Variants in MIS18BP1 observed in about 807,000 individuals in gnomAD.
MIS18BP1 encodes the protein MIS18 binding protein 1, also known as mis18-binding protein 1.
Under a neutral mutation model 116.1 loss-of-function variants are expected in MIS18BP1, and 72 were observed. That is an observed-to-expected ratio of 0.62 (90% CI 0.51 to 0.75). The LOEUF (loss-of-function observed/expected upper bound fraction) is 0.75. Among genes scored for constraint, MIS18BP1 ranks in the 30% least tolerant of loss-of-function variants. MIS18BP1 has a pLI of 0.00. For missense variants in MIS18BP1, 1,363 were observed against 1,303.2 expected (o/e 1.05, Z -0.71); for synonymous variants, 386 against 427.0 (o/e 0.90, Z 1.18).
rs1299483547 is a variant in MIS18BP1 at position 45,223,941 on chromosome 14, C to T, written c.2646G>A (p.Glu882=). 1 of 1,585,586 alleles carries T rather than the reference C, an allele frequency of 6.3e-7. No homozygotes were observed. Among genetic ancestry groups the T allele is most frequent in the Non-Finnish European group, 8.5e-7 (1 of 1,171,136 alleles). The change falls in exon 11 of 17, where the codon GAG becomes GAA. Residue 882 remains glutamate (E), a synonymous_variant. Coordinates refer to ENST00000310806, the MANE Select transcript of MIS18BP1 (RefSeq NM_018353.5). ...ACCAATGAAGTTTCTGTAACTCCTTCTCATTCCATTCCTTATCCTGAATTA... is the reference window on the plus strand; with the variant it reads ...ACCAATGAAGTTTCTGTAACTCCTTTTCATTCCATTCCTTATCCTGAATTA... ...PGLIQDKEWN[E]KELQKLHCAF... is the part of the protein sequence containing the mutation.
intron 1 of MIS18BP1, among the ~76,000 whole-genome samples, chr14:45,250,847 C>T (rs1185167633): frequency 6.6e-6 from 1 of 152,148 alleles, no homozygotes; most frequent in African/African-American, 2.4e-5. Context: ...ACCATCCTGT[C>T]TAACACGGTG....
chr14:45,252,754 C>T (rs1490163404), intron 1 of MIS18BP1, among the ~76,000 whole-genome samples: 1 of 150,170 alleles, frequency 6.7e-6, no homozygotes, highest in African/African-American at 2.5e-5. Flanking sequence ...TACAATTTTC[C>T]CACTTGGTAT....
At chr14:45,249,159 T>G (rs1471517480) in intron 1 of MIS18BP1, among the ~76,000 whole-genome samples, 1 of 152,102 alleles carries the variant, frequency 6.6e-6, no homozygotes, top group Non-Finnish European at 1.5e-5. Context: ...TGATGCGATC[T>G]TGACTCACTG....
chr14:45,216,993 GAAA>G, intron 13 of MIS18BP1, 23 bp downstream of exon 13: 1 of 1,606,454 alleles, frequency 6.2e-7, no homozygotes, highest in Non-Finnish European at 8.5e-7. Flanking sequence ...TACAGATAAG[GAAA>G]ACAATGATTT....
At chr14:45,248,634 T>C (rs1025445180) in intron 1 of MIS18BP1, among the ~76,000 whole-genome samples, 3 of 152,108 alleles carry the variant, frequency 2.0e-5, no homozygotes, top group African/African-American at 7.2e-5. Context: ...AGTATCTTTA[T>C]CTACAGCAAC....
intron 8 of MIS18BP1, 105 bp from the exon 9 acceptor site, chr14:45,227,919 G>A (rs970634699): frequency 8.7e-7 from 1 of 1,152,336 alleles, no homozygotes; most frequent in African/African-American, 1.5e-5. Context: ...GCTCACGCCT[G>A]TAATCCCAGC....
chr14:45,222,619 C>G (rs953262443), intron 11 of MIS18BP1, among the ~76,000 whole-genome samples: 1 of 152,184 alleles, frequency 6.6e-6, no homozygotes, highest in African/African-American at 2.4e-5. Context: ...CACTGAGTAG[C>G]TAGCCTAGAA....
At chr14:45,212,023 C>T (rs993049059) in intron 13 of MIS18BP1, among the ~76,000 whole-genome samples, 1 of 152,188 alleles carries the variant, frequency 6.6e-6, no homozygotes, top group Admixed American at 6.5e-5. Flanking sequence ...TTAGACTTAG[C>T]TGTTGGTGTC....
chr14:45,249,579 G>C (rs1891813602), intron 1 of MIS18BP1, among the ~76,000 whole-genome samples: 1 of 151,834 alleles, frequency 6.6e-6, no homozygotes, highest in Admixed American at 6.6e-5. Flanking sequence ...AATCAAAAAT[G>C]AATAAACTCG....
chr14:45,216,627 A>G (rs918984019), intron 13 of MIS18BP1, among the ~76,000 whole-genome samples: 1 of 152,304 alleles, frequency 6.6e-6, no homozygotes, highest in South Asian at 2.1e-4. Context: ...TACTCTTCAT[A>G]TGACAAAAAT....
chr14:45,248,668 T>C (rs1891788854), intron 1 of MIS18BP1, among the ~76,000 whole-genome samples: 1 of 152,110 alleles, frequency 6.6e-6, no homozygotes, highest in South Asian at 2.1e-4. Context: ...AAGCAATTAA[T>C]ATACAAAGTA....
intron 13 of MIS18BP1, among the ~76,000 whole-genome samples, chr14:45,216,355 T>G (rs1890818186): frequency 1.3e-5 from 2 of 152,226 alleles, no homozygotes; most frequent in Admixed American, 1.3e-4. Context: ...ATATTTTAAC[T>G]TATTTTTTTA....
At chr14:45,234,420 T>C (rs1891369802) in intron 6 of MIS18BP1, among the ~76,000 whole-genome samples, 1 of 151,202 alleles carries the variant, frequency 6.6e-6, no homozygotes, top group Admixed American at 6.6e-5. Context: ...TGAGAGCTAG[T>C]GTACAAATGG....
Position 45,226,726 on chromosome 14 carries a change from C to A in MIS18BP1, c.1840+17G>T. On this transcript the variant is annotated intron_variant, in intron 10 of 16. Transcript: ENST00000310806. ...AGCTTTCTGCTTATGATTAAAAAAC[C>A]ATTAAAGATATATTACCTTGCTTCT... The A allele has an allele frequency of 7.5e-7, 1 of 1,341,950 alleles. No homozygotes were observed. The highest frequency in any genetic ancestry group is 1.6e-5 in the South Asian group (1 of 62,814). The allele number at this position is 1,341,950 out of a possible 1,614,324, so 83.1% of individuals were successfully genotyped here. A position where few individuals can be genotyped will look rare whatever the true frequency, so the allele number is the denominator to read the frequency against.
rs1452775278 is a variant in MIS18BP1 at position 45,231,142 on chromosome 14, C to T, written c.1593G>A (p.Leu531=). 1 of 1,610,236 alleles carries T rather than the reference C, an allele frequency of 6.2e-7. No homozygotes were observed. Among genetic ancestry groups the T allele is most frequent in the South Asian group, 1.1e-5 (1 of 90,074 alleles). ...CAGAGAAGTAAAGACAAAACATACC[C>T]AAATTATCACAATCAAAATCGTAAG... ...TTTYDFDCDN[L]ELKSNKHSES... is the part of the protein sequence containing the mutation. Residue 531 remains leucine, a splice_region_variant and synonymous_variant, in exon 8 of 17, where the codon TTG becomes TTA. Coordinates refer to ENST00000310806, the MANE Select transcript of MIS18BP1 (RefSeq NM_018353.5).
chr14:45,231,947 G>T (rs986209721), intron 7 of MIS18BP1, among the ~76,000 whole-genome samples: 9 of 152,050 alleles, frequency 5.9e-5, no homozygotes, highest in Non-Finnish European at 8.8e-5. Context: ...AAAAAAGGAG[G>T]AAGAACTGCA....
In MIS18BP1 at chr14:45,247,199, A is replaced by G. The variant is rs1375425574; in HGVS notation, c.88T>C (p.Phe30Leu). 2 of 1,612,962 alleles carry G rather than the reference A, an allele frequency of 1.2e-6. No homozygotes were observed. Among genetic ancestry groups the G allele is most frequent in the South Asian group, 2.2e-5 (2 of 91,008 alleles). The stretch of plus-strand genomic sequence containing the variant: ...GTGCCTGAAGGAATGCTGTCAAAAA[A>G]GATTGCATCCATGGGTAGATTTCTC... ...QRRNLPMDAIFFDSIPSGTLT... is the reference protein window; with the variant it reads ...QRRNLPMDAILFDSIPSGTLT... Residue 30 changes from phenylalanine (F) to leucine (L), a missense_variant, in exon 2 of 17, where the codon TTT becomes CTT. Physicochemically the swap from Phe to Leu is conservative, Grantham distance 22. Transcript: ENST00000310806.
At chr14:45,251,185 A>G (rs539745878) in intron 1 of MIS18BP1, among the ~76,000 whole-genome samples, 1 of 151,864 alleles carries the variant, frequency 6.6e-6, no homozygotes, top group South Asian at 2.1e-4. Context: ...TACCTTTTCT[A>G]TATTTTGGTA....
At chr14:45,248,632 T>C (rs998121811) in intron 1 of MIS18BP1, among the ~76,000 whole-genome samples, 4 of 152,148 alleles carry the variant, frequency 2.6e-5, no homozygotes, top group African/African-American at 7.2e-5. Context: ...CAAGTATCTT[T>C]ATCTACAGCA....
Sources: gnomAD v4.1 joint callset for allele counts (sites outside exome capture counted in the v4.1 genomes callset) on GRCh38, gnomAD v4.1.1 for gene constraint, MANE v1.5 for transcripts, NCBI Gene and HGNC (gene_info 2026-07-23, HGNC 2026-07-21) for gene names.